Variants in ZNF254 observed in about 807,000 individuals in gnomAD.
ZNF254 encodes CTD-2017D11.1.
In ZNF254, 10 loss-of-function variants were observed where a neutral mutation model predicts 12.4. That is an observed-to-expected ratio of 0.80 (90% CI 0.50 to 1.36). The LOEUF is 1.36. Among genes scored for constraint, ZNF254 ranks in the 40% most tolerant of loss-of-function variants. ZNF254 has a pLI of 0.00. For synonymous variants in ZNF254, 305 were observed against 253.4 expected (o/e 1.20, Z -1.93); for missense variants, 996 against 763.9 (o/e 1.30, Z -3.58).
chr19:24,042,774 T>C (rs6511680), intron 1 of ZNF254, among the ~76,000 whole-genome samples: 72,252 of 151,986 alleles, frequency 0.48, 18,023 homozygotes, highest in African/African-American at 0.64. Context: ...TCCTCTCCAC[T>C]AATATCACGG....
At position 24,126,934 on chromosome 19, in the gene ZNF254, C is replaced by T. The variant is rs773326303; in HGVS notation, c.934C>T (p.His312Tyr). The T allele has an allele frequency of 1.9e-6, 3 of 1,613,238 alleles. No individual in the cohort carries two copies. Among genetic ancestry groups the T allele is most frequent in the Non-Finnish European group, 1.7e-6 (2 of 1,179,694 alleles). ...AFIWSSTLTE[H>Y]KKIHTRKKPY... is the part of the protein sequence containing the mutation. ...TATCTGGTCCTCAACCCTTACTGAG[C>T]ATAAGAAAATTCATACTAGAAAGAA... The change falls in exon 4 of 4, where the codon CAT becomes TAT. Residue 312 changes from histidine to tyrosine, a missense_variant. By Grantham distance (83) the His-to-Tyr change is moderately conservative. Coordinates refer to ENST00000357002, the MANE Select transcript of ZNF254 (RefSeq NM_203282.4).
intron 2 of ZNF254, chr19:24,066,150 T>C (rs1371839607): frequency 2.0e-5 from 3 of 152,196 alleles, no homozygotes; most frequent in African/African-American, 4.8e-5. Flanking sequence ...ATCCAGGAGA[T>C]GTGACTCTCC....
intron 3 of ZNF254, among the ~76,000 whole-genome samples, chr19:24,110,813 G>T (rs1195879126): frequency 6.6e-6 from 1 of 151,216 alleles, no homozygotes; most frequent in African/African-American, 2.4e-5. Flanking sequence ...TTATTTCAGT[G>T]GACATAATAT....
At chr19:24,119,122 A>C (rs895552450) in intron 3 of ZNF254, among the ~76,000 whole-genome samples, 2 of 151,818 alleles carry the variant, frequency 1.3e-5, no homozygotes, top group Non-Finnish European at 2.9e-5. Flanking sequence ...CAAAAACAAA[A>C]AAAGTTATCT....
intron 2 of ZNF254, among the ~76,000 whole-genome samples, chr19:24,049,991 G>A (rs933414855): frequency 1.3e-5 from 2 of 151,904 alleles, no homozygotes; most frequent in South Asian, 2.1e-4. Context: ...ATACTAGGGT[G>A]ACAGTACTCT....
At chr19:24,068,153 C>G (rs1971346822) in intron 2 of ZNF254, among the ~76,000 whole-genome samples, 1 of 152,218 alleles carries the variant, frequency 6.6e-6, no homozygotes, top group South Asian at 2.1e-4. Context: ...CACCTACATG[C>G]ACCATGCACA....
chr19:24,042,040 CAT>C (rs1970188568), intron 1 of ZNF254, among the ~76,000 whole-genome samples: 18 of 137,040 alleles, frequency 1.3e-4, no homozygotes, highest in East Asian at 2.2e-4. Context: ...ACGTGGAGAA[CAT>C]TTATGTGTAG....
In ZNF254 at chr19:24,127,063, T is replaced by A. The variant is rs1203287853; in HGVS notation, c.1063T>A (p.Cys355Ser). The A allele has an allele frequency of 5.0e-6, 8 of 1,613,328 alleles. No individual in the cohort carries two copies. The African/African-American group carries it at 1.1e-4, about 22-fold the overall frequency. ...AGAGAAACCCTACAAATGTGAAGAA[T>A]GTGGCAAAGCTTTTAGCCAGTCCTC... ...TGEKPYKCEECGKAFSQSSTL... is the reference protein window; with the variant it reads ...TGEKPYKCEESGKAFSQSSTL... The change falls in exon 4 of 4, where the codon TGT (cysteine) becomes AGT (serine). Residue 355 changes from cysteine (C) to serine (S), a missense_variant. By Grantham distance (112) the Cys-to-Ser change is moderately radical. Coordinates refer to ENST00000357002, the MANE Select transcript of ZNF254 (RefSeq NM_203282.4).
chr19:24,060,268 C>G (rs1173784770), intron 2 of ZNF254, among the ~76,000 whole-genome samples: 1 of 152,226 alleles, frequency 6.6e-6, no homozygotes, highest in Non-Finnish European at 1.5e-5. Context: ...TCCTTGTTCA[C>G]TAGGGGATAA....
At chr19:24,085,336 A>T (rs990037825), upstream of ZNF254, among the ~76,000 whole-genome samples, 2 of 145,530 alleles carry the variant, frequency 1.4e-5, no homozygotes, top group Non-Finnish European at 3.0e-5. Flanking sequence ...AAAATTTTTT[A>T]TCTACAAATA....
chr19:24,076,135 T>C (rs1225204866), intron 2 of ZNF254, among the ~76,000 whole-genome samples: 3 of 152,210 alleles, frequency 2.0e-5, no homozygotes, highest in South Asian at 4.1e-4. Context: ...ACATACGTCC[T>C]CAGTTTATGA....
At chr19:24,073,054 A>G (rs927630660) in intron 2 of ZNF254, among the ~76,000 whole-genome samples, 10 of 152,212 alleles carry the variant, frequency 6.6e-5, no homozygotes, top group Non-Finnish European at 1.5e-4. Flanking sequence ...TCTTCTCTAG[A>G]TAATGTCATA....
rs754374191 is a variant in ZNF254, at chr19:24,126,256, A to G, written c.256A>G (p.Met86Val). The change falls in exon 4 of 4, where the codon ATG becomes GTG. Residue 86 changes from methionine to valine, a missense_variant and splice_region_variant. Physicochemically the swap from Met to Val is conservative, Grantham distance 21 (BLOSUM62 1). Coordinates refer to ENST00000357002, the MANE Select transcript of ZNF254 (RefSeq NM_203282.4). ...ATTTATTTTTATTTTTTTTTCAGGT[A>G]TGTGTCCTCATTTTGCTCAAGACCT... ...RHEMVDEPPG[M>V]CPHFAQDLWP... 6.8e-7 allele frequency: 1 copy of G among 1,466,516 alleles called. No individual in the cohort carries two copies. The highest frequency in any genetic ancestry group is 9.0e-7 in the Non-Finnish European group (1 of 1,109,014). 90.8% of individuals were successfully genotyped at this position (1,466,516 alleles called of 1,614,324 possible).
intron 3 of ZNF254, among the ~76,000 whole-genome samples, chr19:24,115,908 C>T (rs1974033568): frequency 1.3e-5 from 2 of 152,148 alleles, no homozygotes; most frequent in Non-Finnish European, 2.9e-5. Flanking sequence ...CAAAGTCTCT[C>T]AGCATTTGCT....
intron 2 of ZNF254, among the ~76,000 whole-genome samples, chr19:24,059,915 G>A (rs751907938): frequency 2.1e-4 from 32 of 152,096 alleles, no homozygotes; most frequent in Admixed American, 2.0e-3. Context: ...GCCCACAGGA[G>A]GCTTTGTGGC....
intron 1 of ZNF254, among the ~76,000 whole-genome samples, chr19:24,036,339 G>A (rs188696804): frequency 6.6e-6 from 1 of 152,192 alleles, no homozygotes; most frequent in Non-Finnish European, 1.5e-5. Context: ...TTACAAGTGT[G>A]AGCCACCGCG....
intron 2 of ZNF254, among the ~76,000 whole-genome samples, chr19:24,081,514 T>C (rs1971844323): frequency 6.6e-6 from 1 of 152,200 alleles, no homozygotes; most frequent in Non-Finnish European, 1.5e-5. Flanking sequence ...ACTCTACTCA[T>C]TTGGGAATAA....
At chr19:24,075,673 A>C (rs926263877) in intron 2 of ZNF254, among the ~76,000 whole-genome samples, 6 of 152,204 alleles carry the variant, frequency 3.9e-5, no homozygotes, top group Non-Finnish European at 8.8e-5. Flanking sequence ...CTGTGCATGC[A>C]TTGTCATTGA....
intron 1 of ZNF254, among the ~76,000 whole-genome samples, chr19:24,095,356 TTA>T (rs1972612080): frequency 6.6e-6 from 1 of 152,180 alleles, no homozygotes; most frequent in Non-Finnish European, 1.5e-5. Flanking sequence ...TTTGTTTGTT[TTA>T]TCTTTGCCAG....
Sources: gnomAD v4.1 joint callset for allele counts (sites outside exome capture counted in the v4.1 genomes callset) on GRCh38, gnomAD v4.1.1 for gene constraint, MANE v1.5 for transcripts, NCBI Gene and HGNC (gene_info 2026-07-23, HGNC 2026-07-21) for gene names.